The following CPEB1 variants were observed in gnomAD, a reference collection of about 807,000 sequenced individuals.
CPEB1 encodes cytoplasmic polyadenylation element-binding protein 1.
A neutral mutation model predicts 65.8 loss-of-function variants in CPEB1; 7 were observed. The observed-to-expected ratio is 0.11, with a 90% CI of 0.06 to 0.20. CPEB1 has a LOEUF of 0.20. Among genes scored for constraint, CPEB1 ranks in the 10% least tolerant of loss-of-function variants. The probability of loss-of-function intolerance (pLI) is 1.00; values close to 1 mark genes in which losing one functional copy is unlikely to be tolerated. For synonymous variants in CPEB1, 262 were observed against 260.0 expected (o/e 1.01, Z -0.08); for missense variants, 551 against 712.2 (o/e 0.77, Z 2.58).
intron 3 of CPEB1, among the ~76,000 whole-genome samples, chr15:82,615,711 C>T (rs948615195): frequency 2.0e-5 from 3 of 152,108 alleles, no homozygotes; most frequent in Non-Finnish European, 4.4e-5. Flanking sequence ...CTAGAGTCTA[C>T]ATGGAATGTG....
chr15:82,619,479 G>A lies in CPEB1; in HGVS notation c.271+7714C>T, dbSNP rs12899287. On this transcript the variant is annotated intron_variant, in intron 3 of 12. Coordinates refer to ENST00000684509, the MANE Select transcript of CPEB1 (RefSeq NM_001365242.1). ...TTAAGTTTTCTGTTATTCAAAAGAC[G>A]CCAATTAAGAGTACAAAGACAAATC... Among the ~76,000 whole-genome samples, 1,483 of 152,158 alleles carry A rather than the reference G, an allele frequency of 9.7e-3. 13 individuals carry two copies. Among genetic ancestry groups the A allele is most frequent in the Non-Finnish European group, 0.011 (766 of 67,998 alleles).
At chr15:82,612,994 A>AT (rs2044327975) in intron 3 of CPEB1, among the ~76,000 whole-genome samples, 1 of 152,026 alleles carries the variant, frequency 6.6e-6, no homozygotes, top group South Asian at 2.1e-4. Flanking sequence ...AAGGAAGACT[A>AT]TTATAAATTT....
chr15:82,612,020 C>G (rs1051292136), intron 3 of CPEB1, among the ~76,000 whole-genome samples: 9 of 151,246 alleles, frequency 6.0e-5, no homozygotes, highest in Non-Finnish European at 1.0e-4. Flanking sequence ...ACCATCCTGG[C>G]TAACACGGTG....
chr15:82,643,074 G>C (rs909185098), intron 1 of CPEB1, among the ~76,000 whole-genome samples: 1 of 152,118 alleles, frequency 6.6e-6, no homozygotes, highest in Non-Finnish European at 1.5e-5. Flanking sequence ...CACCAGCAGA[G>C]AGCTACTTTA....
intron 4 of CPEB1, among the ~76,000 whole-genome samples, chr15:82,568,622 C>T (rs1226033590): frequency 6.6e-6 from 1 of 152,136 alleles, no homozygotes; most frequent in Non-Finnish European, 1.5e-5. Context: ...AGTACTCTGG[C>T]CCCTGGAGAA....
intron 1 of CPEB1, among the ~76,000 whole-genome samples, chr15:82,635,964 G>A (rs550022504): frequency 3.9e-5 from 6 of 152,228 alleles, no homozygotes; most frequent in Admixed American, 3.9e-4. Context: ...AGGAATAAAC[G>A]AGATAAAGCT....
intron 3 of CPEB1, among the ~76,000 whole-genome samples, chr15:82,625,337 G>A (rs1373655469): frequency 6.6e-6 from 1 of 151,464 alleles, no homozygotes; most frequent in Non-Finnish European, 1.5e-5. Context: ...TTGCCTTCCT[G>A]TACGACAGAA....
rs374898049 is a variant in CPEB1, at chr15:82,582,280, T to G, written c.272-10748A>C. Among the ~76,000 whole-genome samples the G allele has an allele frequency of 1.4e-4, 21 of 152,124 alleles. No individual in the cohort carries two copies. In the East Asian group the frequency reaches 3.1e-3, roughly 22 times the overall value. ...GTGTTTGATTTTTTACAAACGGGAGTGTTCTGCGTAATTCAGGCCCTTTAG... is the reference window on the plus strand; with the variant it reads ...GTGTTTGATTTTTTACAAACGGGAGGGTTCTGCGTAATTCAGGCCCTTTAG... On this transcript the variant is annotated intron_variant, in intron 3 of 12. Transcript: ENST00000684509.
intron 3 of CPEB1, among the ~76,000 whole-genome samples, chr15:82,585,125 T>G (rs1208828140): frequency 6.6e-6 from 1 of 152,126 alleles, no homozygotes; most frequent in African/African-American, 2.4e-5. Flanking sequence ...AGAGTGACTT[T>G]GGAGGGCATT....
chr15:82,622,920 G>A (rs1462593563), intron 3 of CPEB1, among the ~76,000 whole-genome samples: 1 of 152,166 alleles, frequency 6.6e-6, no homozygotes, highest in Non-Finnish European at 1.5e-5. Context: ...CTCCTTATGT[G>A]ATCCTCTTTA....
chr15:82,572,234 C>T (rs1262206338), intron 3 of CPEB1, among the ~76,000 whole-genome samples: 1 of 152,186 alleles, frequency 6.6e-6, no homozygotes, highest in East Asian at 1.9e-4. Flanking sequence ...AATCTGTGCT[C>T]CAAGTGGCCC....
intron 9 of CPEB1, among the ~76,000 whole-genome samples, chr15:82,551,448 C>A (rs1267655): frequency 3.3e-5 from 5 of 152,134 alleles, no homozygotes; most frequent in African/African-American, 1.2e-4. Context: ...TCAGAGTTCA[C>A]TCCTGGTGTT....
chr15:82,569,564 G>A (rs769273522), intron 4 of CPEB1, among the ~76,000 whole-genome samples: 10 of 152,220 alleles, frequency 6.6e-5, no homozygotes, highest in Non-Finnish European at 1.5e-4. Flanking sequence ...ACAAGCACAG[G>A]CCTTTCAGGT....
At chr15:82,631,141 G>C (rs2046212538) in intron 1 of CPEB1, among the ~76,000 whole-genome samples, 1 of 152,070 alleles carries the variant, frequency 6.6e-6, no homozygotes, top group African/African-American at 2.4e-5. Flanking sequence ...TTCCTTAGGA[G>C]AGGAAGGAAA....
intron 3 of CPEB1, among the ~76,000 whole-genome samples, chr15:82,606,470 A>G (rs528754616): frequency 7.4e-6 from 1 of 134,460 alleles, no homozygotes; most frequent in Admixed American, 7.5e-5. Context: ...ACTCCGTCTC[A>G]AAAAAAAAAA....
intron 3 of CPEB1, among the ~76,000 whole-genome samples, chr15:82,589,895 A>T (rs566434423): frequency 6.6e-6 from 1 of 152,216 alleles, no homozygotes; most frequent in Admixed American, 6.5e-5. Flanking sequence ...TGCATTAGGT[A>T]TAAGTAATCT....
intron 3 of CPEB1, among the ~76,000 whole-genome samples, chr15:82,585,439 A>G (rs929838135): frequency 6.6e-6 from 1 of 152,200 alleles, no homozygotes; most frequent in African/African-American, 2.4e-5. Flanking sequence ...GAAACATCAC[A>G]TTCTCACTTT....
At chr15:82,629,491 A>G in intron 1 of CPEB1, 11 of 985,334 alleles carry the variant, frequency 1.1e-5, no homozygotes, top group Non-Finnish European at 1.3e-5. Flanking sequence ...CACAAAAACT[A>G]TTCTTTTGGT....
intron 3 of CPEB1, chr15:82,572,027 G>A: frequency 5.2e-6 from 1 of 190,682 alleles, no homozygotes; most frequent in Non-Finnish European, 9.7e-6. Context: ...ACGCACGACT[G>A]AAGTCCTCTC....
Sources: allele counts gnomAD v4.1 joint callset (sites outside exome capture counted in the v4.1 genomes callset), GRCh38; gene constraint gnomAD v4.1.1; transcripts MANE v1.5; gene names NCBI Gene and HGNC (gene_info 2026-07-23, HGNC 2026-07-21).